Variants in PSPC1 observed in about 807,000 individuals in gnomAD.
PSPC1 encodes paraspeckle component 1, also known as paraspeckle protein 1.
In PSPC1, 14 loss-of-function variants were observed where a neutral mutation model predicts 51.6. The ratio of observed to expected loss-of-function variants is 0.27; its 90% confidence interval spans 0.18 to 0.42. The LOEUF (loss-of-function observed/expected upper bound fraction) is 0.42. Ranked by LOEUF, PSPC1 falls within the 10% of genes least tolerant of loss-of-function variation. PSPC1 has a pLI of 1.00. For missense variants in PSPC1, 406 were observed against 701.1 expected (o/e 0.58, Z 4.75); for synonymous variants, 193 against 231.9 (o/e 0.83, Z 1.53).
downstream of PSPC1, among the ~76,000 whole-genome samples, chr13:19,698,321 A>G (rs1420491266): frequency 2.6e-5 from 4 of 152,016 alleles, no homozygotes; most frequent in East Asian, 7.7e-4. Flanking sequence ...ATTAAGATAA[A>G]ATTTAGATTA....
intron 6 of PSPC1, among the ~76,000 whole-genome samples, chr13:19,696,038 T>C (rs1012772662): frequency 2.0e-4 from 31 of 152,288 alleles, no homozygotes; most frequent in African/African-American, 7.5e-4. Context: ...AATCTGACTC[T>C]GAACAGAAGA....
intron 6 of PSPC1, among the ~76,000 whole-genome samples, chr13:19,720,167 G>C (rs965142636): frequency 6.6e-6 from 1 of 152,154 alleles, no homozygotes; most frequent in African/African-American, 2.4e-5. Flanking sequence ...GATACCAGCT[G>C]TAAGACAAAC....
intron 6 of PSPC1, among the ~76,000 whole-genome samples, chr13:19,714,990 C>G (rs1881921824): frequency 6.6e-6 from 1 of 152,072 alleles, no homozygotes; most frequent in South Asian, 2.1e-4. Flanking sequence ...GGAAGCCAAC[C>G]ATTTTTTATA....
intron 1 of PSPC1, among the ~76,000 whole-genome samples, chr13:19,777,982 C>A (rs1593789551): frequency 6.7e-6 from 1 of 149,054 alleles, no homozygotes; most frequent in Admixed American, 6.7e-5. Context: ...CGTGGCTCAC[C>A]CCTGAAATCC....
At chr13:19,693,686 A>C (rs1311459118) in intron 6 of PSPC1, among the ~76,000 whole-genome samples, 1 of 152,214 alleles carries the variant, frequency 6.6e-6, no homozygotes, top group Admixed American at 6.5e-5. Flanking sequence ...AAAGGAAAGT[A>C]ACAAAGTGAA....
chr13:19,751,777 G>A (rs754004071), intron 3 of PSPC1, among the ~76,000 whole-genome samples: 4 of 152,198 alleles, frequency 2.6e-5, no homozygotes, highest in Non-Finnish European at 5.9e-5. Flanking sequence ...TACTTTACAG[G>A]CCGGGCGCAG....
intron 6 of PSPC1, among the ~76,000 whole-genome samples, chr13:19,695,828 AC>A (rs1382870824): frequency 6.6e-6 from 1 of 152,116 alleles, no homozygotes; most frequent in African/African-American, 2.4e-5. Context: ...TCATTTCTTG[AC>A]TGAAGACAAT....
At chr13:19,776,123 T>C (rs961697047) in intron 1 of PSPC1, among the ~76,000 whole-genome samples, 1 of 152,076 alleles carries the variant, frequency 6.6e-6, no homozygotes, top group Admixed American at 6.6e-5. Context: ...TATGTATATT[T>C]TGATAGGGGT....
chr13:19,720,298 G>C (rs1388554594), intron 6 of PSPC1, among the ~76,000 whole-genome samples: 1 of 152,100 alleles, frequency 6.6e-6, no homozygotes, highest in Non-Finnish European at 1.5e-5. Flanking sequence ...CATCATAACT[G>C]GCCAGGTCAA....
chr13:19,778,386 CCTCCCCCTCCCTCTCCCT>C (rs1889437951), intron 1 of PSPC1, among the ~76,000 whole-genome samples: 1 of 92,746 alleles, frequency 1.1e-5, no homozygotes, highest in African/African-American at 5.0e-5. Flanking sequence ...TCCCCCTCCC[CCTCCCCCTCCCTCTCCCT>C]CTCCCCACGG....
chr13:19,779,799 C>T (rs1889697041), intron 1 of PSPC1, among the ~76,000 whole-genome samples: 2 of 79,834 alleles, frequency 2.5e-5, no homozygotes, highest in African/African-American at 5.0e-5. Flanking sequence ...TCTGCCCGGC[C>T]GCCCCTACTG....
chr13:19,673,234 T>G (rs569085286), downstream of PSPC1: 2 of 419,622 alleles, frequency 4.8e-6, no homozygotes, highest in South Asian at 1.7e-5. Context: ...TTCCTGCTTC[T>G]GTATGGCAAG....
At chr13:19,689,849 A>C (rs1364957757) in intron 6 of PSPC1, among the ~76,000 whole-genome samples, 1 of 152,244 alleles carries the variant, frequency 6.6e-6, no homozygotes, top group Non-Finnish European at 1.5e-5. Flanking sequence ...GCAATCCAAA[A>C]AAGCAATGTC....
At chr13:19,698,653 C>T (rs893735532), downstream of PSPC1, among the ~76,000 whole-genome samples, 10 of 151,718 alleles carry the variant, frequency 6.6e-5, no homozygotes, top group African/African-American at 2.4e-4. Context: ...AAGCAGAATA[C>T]CATCTCTTTT....
rs1008483735 is a variant in PSPC1 at position 19,758,289 on chromosome 13, G to C, written c.770+1034C>G. Among the ~76,000 whole-genome samples, 4 of 151,192 alleles carry C rather than the reference G, an allele frequency of 2.6e-5. No individual in the cohort carries two copies. The East Asian group carries it at 7.9e-4, about 30-fold the overall frequency. On this transcript the variant is annotated intron_variant, in intron 3 of 8. Transcript: ENST00000338910. ...GATCGTGCCACTGCACTCCAGCCTG[G>C]GCAACAGAGTGAGACTCCGTCTCAA...
intron 2 of PSPC1, among the ~76,000 whole-genome samples, chr13:19,763,621 A>G (rs930512042): frequency 7.9e-5 from 12 of 152,216 alleles, no homozygotes; most frequent in Non-Finnish European, 1.8e-4. Flanking sequence ...AAAATGGGAT[A>G]TCAGTGCATC....
In PSPC1 at chr13:19,782,871, A is replaced by C; in HGVS notation, c.-114T>G. On this transcript the variant is annotated 5_prime_UTR_variant, in exon 1 of 9. Coordinates refer to ENST00000338910, the MANE Select transcript of PSPC1 (RefSeq NM_001354909.2). The surrounding 1 kb of genome is among the most constrained non-coding windows in gnomAD (Gnocchi z 4.5). ...TGCCAACAAAATATCGACAATCAAG[A>C]GACCGCTAGGTAGGCGAGTCGGCAA... 5.6e-6 allele frequency: 7 copies of C among 1,258,004 alleles called. No homozygotes were observed. The highest frequency in any genetic ancestry group is 7.2e-6 in the Non-Finnish European group (7 of 972,672). 77.9% of individuals were successfully genotyped at this position (1,258,004 alleles called of 1,614,324 possible).
downstream of PSPC1, among the ~76,000 whole-genome samples, chr13:19,671,597 C>T (rs1876130828): frequency 6.6e-6 from 1 of 152,132 alleles, no homozygotes; most frequent in South Asian, 2.1e-4. Context: ...CCTAACCTCT[C>T]TTGTATGAAA....
intron 5 of PSPC1, among the ~76,000 whole-genome samples, chr13:19,736,494 TA>T (rs913749688): frequency 2.0e-5 from 3 of 151,824 alleles, no homozygotes; most frequent in African/African-American, 7.3e-5. Flanking sequence ...CCATCCTGGC[TA>T]ACACAGTGAA....
Sources: allele counts gnomAD v4.1 joint callset (sites outside exome capture counted in the v4.1 genomes callset), GRCh38; gene constraint gnomAD v4.1.1; non-coding constraint Gnocchi (gnomAD v3.1); transcripts MANE v1.5; gene names NCBI Gene and HGNC (gene_info 2026-07-23, HGNC 2026-07-21).